Variants in FOCAD observed in about 807,000 individuals in gnomAD.
FOCAD encodes focadhesin.
In FOCAD, 198 loss-of-function variants were observed where a neutral mutation model predicts 225.6. The observed-to-expected ratio is 0.88, with a 90% confidence interval of 0.78 to 0.99. The LOEUF is 0.99. FOCAD is among the 50% of genes least tolerant of loss of function. The pLI, the probability that FOCAD is intolerant of heterozygous loss-of-function variation, is 0.00. For synonymous variants in FOCAD, 897 were observed against 755.0 expected (o/e 1.19, Z -3.08); for missense variants, 2,713 against 2,123.6 (o/e 1.28, Z -5.46).
At chr9:20,836,415 A>C (rs1341545850) in intron 15 of FOCAD, among the ~76,000 whole-genome samples, 2 of 152,040 alleles carry the variant, frequency 1.3e-5, no homozygotes, top group East Asian at 1.9e-4. Flanking sequence ...TGCCTGTCTA[A>C]CCTTGCAGAA....
chr9:20,975,736 T>C (rs1435685740), intron 35 of FOCAD, among the ~76,000 whole-genome samples: 1 of 152,170 alleles, frequency 6.6e-6, no homozygotes, highest in Non-Finnish European at 1.5e-5. Flanking sequence ...AATGAAATCA[T>C]GTCATTTATG....
In FOCAD at chr9:20,990,132, T is replaced by G. The variant is rs770722315; in HGVS notation, c.5014T>G (p.Phe1672Val). The G allele has an allele frequency of 6.2e-7, 1 of 1,614,174 alleles. No homozygotes were observed. The highest frequency in any genetic ancestry group is 8.5e-7 in the Non-Finnish European group (1 of 1,179,992). ...HNTALDKALD[F>V]FLLIFATAVV... ...TCTATTTTCATCGTAGGCTTTGGAC[T>G]TCTTCTTGCTGATATTTGCAACCGC... Residue 1672 changes from phenylalanine (F) to valine (V), a missense_variant, in exon 42 of 44, where the codon TTC becomes GTC. Phe to Val is a conservative substitution (Grantham distance 50). Coordinates refer to ENST00000338382, the MANE Select transcript of FOCAD (RefSeq NM_001375567.1).
chr9:20,958,371 G>T (rs951632768), intron 35 of FOCAD, among the ~76,000 whole-genome samples: 2 of 147,286 alleles, frequency 1.4e-5, no homozygotes, highest in Non-Finnish European at 1.5e-5. Flanking sequence ...TAAGAGGTTG[G>T]TTTTTTTTTT....
chr9:20,941,936 G>A (rs1158238186), intron 28 of FOCAD, among the ~76,000 whole-genome samples: 1 of 152,092 alleles, frequency 6.6e-6, no homozygotes, highest in African/African-American at 2.4e-5. Context: ...CTAAGCACCT[G>A]GGGGAACATT....
At chr9:20,814,375 A>T (rs1321428496) in intron 11 of FOCAD, among the ~76,000 whole-genome samples, 21 of 144,216 alleles carry the variant, frequency 1.5e-4, no homozygotes, top group Admixed American at 7.1e-5. Flanking sequence ...TTTTTTTCTG[A>T]GATGAAGTCT....
chr9:20,696,760 A>C (rs1823403678), intron 1 of FOCAD, among the ~76,000 whole-genome samples: 1 of 152,138 alleles, frequency 6.6e-6, no homozygotes, highest in Non-Finnish European at 1.5e-5. Flanking sequence ...AATTGAGATC[A>C]TGCCACTGCA....
intron 11 of FOCAD, among the ~76,000 whole-genome samples, chr9:20,793,070 A>C (rs1303386774): frequency 6.6e-6 from 1 of 152,156 alleles, no homozygotes; most frequent in East Asian, 1.9e-4. Flanking sequence ...TACCCCCTGA[A>C]GTCAGTCGGC....
chr9:20,983,430 G>T (rs989564395), intron 39 of FOCAD, among the ~76,000 whole-genome samples: 1 of 151,992 alleles, frequency 6.6e-6, no homozygotes, highest in Non-Finnish European at 1.5e-5. Context: ...AAATTAGCTG[G>T]GCGTAGTGGC....
intron 8 of FOCAD, among the ~76,000 whole-genome samples, chr9:20,774,573 A>C (rs1818569744): frequency 6.6e-6 from 1 of 152,218 alleles, no homozygotes; most frequent in Admixed American, 6.5e-5. Context: ...TTTATTTACT[A>C]ACTTTAAAAA....
chr9:20,934,855 C>A (rs1193159485), intron 28 of FOCAD, among the ~76,000 whole-genome samples: 1 of 141,798 alleles, frequency 7.1e-6, no homozygotes, highest in African/African-American at 2.5e-5. Flanking sequence ...AAGAACCCCA[C>A]CCCTTTTTTT....
chr9:20,856,900 A>T (rs1267255627), intron 15 of FOCAD, among the ~76,000 whole-genome samples: 1 of 151,930 alleles, frequency 6.6e-6, no homozygotes, highest in East Asian at 1.9e-4. Flanking sequence ...TTCACTGCAG[A>T]TATGTGGATT....
Position 20,735,893 on chromosome 9 carries a change from C to A in FOCAD, c.288-4343C>A, listed in dbSNP as rs149708607. Among the ~76,000 whole-genome samples, 134 of 151,334 alleles carry A rather than the reference C, an allele frequency of 8.9e-4. 1 individual carries two copies. In the East Asian group the frequency reaches 0.024, roughly 28 times the overall value. On this transcript the variant is annotated intron_variant, in intron 4 of 43. Coordinates refer to ENST00000338382, the MANE Select transcript of FOCAD (RefSeq NM_001375567.1). ...GGATATAATTCAAATATTATAAAAT[C>A]ACTCTTTCAAAGTATGTAATTCAGT...
chr9:20,835,677 G>T (rs1235930504), intron 15 of FOCAD, among the ~76,000 whole-genome samples: 1 of 152,082 alleles, frequency 6.6e-6, no homozygotes, highest in Non-Finnish European at 1.5e-5. Context: ...TCAATACATT[G>T]TTCTGAAAGA....
Position 20,993,333 on chromosome 9 carries a change from T to A in FOCAD, c.5332+5T>A, listed in dbSNP as rs529548545. The A allele has an allele frequency of 3.7e-6, 6 of 1,610,102 alleles. No homozygotes were observed. The South Asian group carries it at 5.5e-5, about 15-fold the overall frequency. On this transcript the variant is annotated splice_donor_5th_base_variant and intron_variant, in intron 43 of 43. Transcript: ENST00000338382. Reference sequence around the variant, plus strand: ...AGTCCAGGGATCTTTTGAAAGGTATTACTTCCATGTTTTATGCTCAACATA... The same window carrying A: ...AGTCCAGGGATCTTTTGAAAGGTATAACTTCCATGTTTTATGCTCAACATA...
At chr9:20,712,730 CTTTTTTTTTTT>C (rs71334550) in intron 1 of FOCAD, among the ~76,000 whole-genome samples, 4 of 93,342 alleles carry the variant, frequency 4.3e-5, no homozygotes, top group South Asian at 4.1e-4. Context: ...CTCCTATATT[CTTTTTTTTTTT>C]TTTTTTTTTT....
At chr9:20,992,732 G>T (rs1841775277) in intron 42 of FOCAD, among the ~76,000 whole-genome samples, 1 of 152,134 alleles carries the variant, frequency 6.6e-6, no homozygotes. Context: ...GGCCAAAGCA[G>T]TTGAATCACA....
intron 1 of FOCAD, among the ~76,000 whole-genome samples, chr9:20,705,397 T>G (rs1824300927): frequency 6.6e-6 from 1 of 152,188 alleles, no homozygotes; most frequent in African/African-American, 2.4e-5. Context: ...CTGCTAAGAA[T>G]TAGGTAGGTT....
In FOCAD at chr9:20,825,875, G is replaced by A. The variant is rs541635732; in HGVS notation, c.1920+2760G>A. Among the ~76,000 whole-genome samples, 572 of 152,146 alleles carry A rather than the reference G, an allele frequency of 3.8e-3. 3 individuals carry two copies. The highest frequency in any genetic ancestry group is 0.013 in the African/African-American group (534 of 41,536). On this transcript the variant is annotated intron_variant, in intron 15 of 43. Coordinates refer to ENST00000338382, the MANE Select transcript of FOCAD (RefSeq NM_001375567.1). The stretch of plus-strand genomic sequence containing the variant: ...AAGGTAAAGATTGTGTTTTCAATAT[G>A]GGTTTCTTTAGTGCTACTTTGCTGA...
At chr9:20,967,581 T>C (rs1221940477) in intron 35 of FOCAD, among the ~76,000 whole-genome samples, 6 of 152,150 alleles carry the variant, frequency 3.9e-5, no homozygotes, top group Admixed American at 6.5e-5. Context: ...TTCTTGATTG[T>C]AGAGAAAAAG....
Sources: allele counts gnomAD v4.1 joint callset (sites outside exome capture counted in the v4.1 genomes callset), GRCh38; gene constraint gnomAD v4.1.1; transcripts MANE v1.5; gene names NCBI Gene and HGNC (gene_info 2026-07-23, HGNC 2026-07-21).